The following LRP6 variants were observed in gnomAD, a reference collection of about 807,000 sequenced individuals.
LRP6 encodes LDL receptor related protein 6.
Under a neutral mutation model 184.1 loss-of-function variants are expected in LRP6, and 43 were observed. That is an observed-to-expected ratio of 0.23 (90% CI 0.18 to 0.30). The LOEUF (loss-of-function observed/expected upper bound fraction) is 0.30. LRP6 is among the 10% of genes least tolerant of loss of function. LRP6 has a pLI of 1.00. For synonymous variants in LRP6, 719 were observed against 684.9 expected (o/e 1.05, Z -0.78); for missense variants, 1,571 against 2,005.3 (o/e 0.78, Z 4.14).
intron 2 of LRP6, among the ~76,000 whole-genome samples, chr12:12,207,571 C>T (rs1011452356): frequency 1.3e-5 from 2 of 151,874 alleles, no homozygotes; most frequent in African/African-American, 4.8e-5. Context: ...GCAGGCATCA[C>T]GAGGGCCATT....
chr12:12,228,808 C>T (rs1021044399), intron 2 of LRP6, among the ~76,000 whole-genome samples: 1 of 152,192 alleles, frequency 6.6e-6, no homozygotes, highest in Admixed American at 6.5e-5. Context: ...GAAAAACTGT[C>T]TTCCACAGAA....
At chr12:12,142,882 G>C (rs1949953849) in intron 15 of LRP6, among the ~76,000 whole-genome samples, 1 of 152,076 alleles carries the variant, frequency 6.6e-6, no homozygotes, top group Admixed American at 6.6e-5. Flanking sequence ...AGTACTGAAT[G>C]CTTCTCCAAG....
intron 7 of LRP6, among the ~76,000 whole-genome samples, chr12:12,168,527 G>T (rs1303359169): frequency 1.3e-5 from 2 of 152,134 alleles, no homozygotes; most frequent in Non-Finnish European, 2.9e-5. Flanking sequence ...ACCACCCTAT[G>T]GCAGGTATTA....
At chr12:12,179,229 T>C (rs1382992205) in intron 7 of LRP6, among the ~76,000 whole-genome samples, 2 of 152,156 alleles carry the variant, frequency 1.3e-5, no homozygotes, top group Admixed American at 1.3e-4. Context: ...TGGTAAATAT[T>C]TTTTCCCAAG....
At chr12:12,218,680 A>C (rs1235675499) in intron 2 of LRP6, among the ~76,000 whole-genome samples, 1 of 151,856 alleles carries the variant, frequency 6.6e-6, no homozygotes, top group Non-Finnish European at 1.5e-5. Flanking sequence ...AAAAGGAGAG[A>C]GGGCCAGGCA....
intron 1 of LRP6, among the ~76,000 whole-genome samples, chr12:12,259,135 G>A (rs1341581634): frequency 1.3e-5 from 2 of 151,838 alleles, no homozygotes; most frequent in African/African-American, 2.4e-5. Flanking sequence ...GATAGTGGGC[G>A]CCTACTAATC....
At chr12:12,151,197 T>A (rs989741858) in intron 12 of LRP6, among the ~76,000 whole-genome samples, 159 bp from the exon 13 acceptor site, 15 of 152,122 alleles carry the variant, frequency 9.9e-5, no homozygotes, top group Non-Finnish European at 1.9e-4. Flanking sequence ...CCTCAAAAAC[T>A]CTCTTCAGAG....
intron 19 of LRP6, among the ~76,000 whole-genome samples, chr12:12,129,422 C>T (rs754438790): frequency 3.3e-5 from 5 of 152,190 alleles, no homozygotes; most frequent in Non-Finnish European, 7.3e-5. Context: ...TTGGCAGTCC[C>T]ATTACATGGA....
intron 18 of LRP6, among the ~76,000 whole-genome samples, chr12:12,131,274 ATT>A (rs1195035496): frequency 3.3e-5 from 5 of 151,696 alleles, no homozygotes; most frequent in Non-Finnish European, 1.5e-5. Flanking sequence ...GGCCCGGCTA[ATT>A]TTTTTGTATT....
intron 7 of LRP6, among the ~76,000 whole-genome samples, chr12:12,175,547 C>G (rs1431403423): frequency 6.6e-6 from 1 of 151,394 alleles, no homozygotes; most frequent in Admixed American, 6.6e-5. Context: ...ATTAGCCAAG[C>G]GTGGTAGCAG....
At chr12:12,228,612 GC>G (rs1864693408) in intron 2 of LRP6, among the ~76,000 whole-genome samples, 1 of 152,316 alleles carries the variant, frequency 6.6e-6, no homozygotes, top group South Asian at 2.1e-4. Context: ...GAGCATTACT[GC>G]CTGAGCTCTG....
chr12:12,226,242 T>G (rs1864619588), intron 2 of LRP6, among the ~76,000 whole-genome samples: 1 of 152,222 alleles, frequency 6.6e-6, no homozygotes, highest in African/African-American at 2.4e-5. Context: ...AAAAGGCCTA[T>G]ATATCACAAT....
At chr12:12,179,358 TAAA>T (rs1863276081) in intron 7 of LRP6, among the ~76,000 whole-genome samples, 2 of 142,604 alleles carry the variant, frequency 1.4e-5, no homozygotes, top group African/African-American at 5.8e-5. Flanking sequence ...TTAACAGCAA[TAAA>T]AGATATAGAT....
In LRP6 at chr12:12,117,345, T is replaced by C. The variant is rs1405619650; in HGVS notation, c.*3781A>G. The C allele has an allele frequency of 1.3e-5, 2 of 152,228 alleles. No homozygotes were observed. The highest frequency in any genetic ancestry group is 2.9e-5 in the Non-Finnish European group (2 of 68,040). The allele number at this position is 152,228 out of a possible 1,614,324, so 9.4% of individuals were successfully genotyped here. A position where few individuals can be genotyped will look rare whatever the true frequency, so the allele number is the denominator to read the frequency against. On this transcript the variant is annotated 3_prime_UTR_variant, in exon 23 of 23. Transcript: ENST00000261349. ...CTGATAACTGGTCAACACACTCATA[T>C]CCATACTCTAAATCAACTATGGATG...
intron 7 of LRP6, among the ~76,000 whole-genome samples, chr12:12,176,552 A>G (rs1863188188): frequency 6.6e-6 from 1 of 152,148 alleles, no homozygotes; most frequent in Non-Finnish European, 1.5e-5. Flanking sequence ...GTACAATATA[A>G]AAACACATCT....
chr12:12,135,581 C>T (rs1417824003), intron 16 of LRP6, among the ~76,000 whole-genome samples: 2 of 151,128 alleles, frequency 1.3e-5, no homozygotes, highest in Admixed American at 1.3e-4. Context: ...GCAAACTCTG[C>T]TTCCCAGGTT....
At chr12:12,146,107 AAT>A (rs1236445071) in intron 15 of LRP6, among the ~76,000 whole-genome samples, 18 of 152,356 alleles carry the variant, frequency 1.2e-4, no homozygotes, top group Admixed American at 8.5e-4. Flanking sequence ...GAATGACTGT[AAT>A]ATTCCATACA....
intron 1 of LRP6, 109 bp downstream of exon 1, chr12:12,266,572 C>T: frequency 7.4e-6 from 7 of 942,602 alleles, no homozygotes. Context: ...CCTCTCCCCG[C>T]TCCTCTCCCC....
chr12:12,160,291 G>T (rs762885338), intron 10 of LRP6, among the ~76,000 whole-genome samples: 1 of 152,106 alleles, frequency 6.6e-6, no homozygotes, highest in Non-Finnish European at 1.5e-5. Flanking sequence ...AACAGCAAAG[G>T]TTTAAAGCTC....
Sources: allele counts gnomAD v4.1 joint callset (sites outside exome capture counted in the v4.1 genomes callset), GRCh38; gene constraint gnomAD v4.1.1; transcripts MANE v1.5; gene names NCBI Gene and HGNC (gene_info 2026-07-23, HGNC 2026-07-21).